SIPA1L1: variants seen among roughly 807,000 people sequenced by gnomAD.
The protein encoded by SIPA1L1 is signal induced proliferation associated 1 like 1, also known as signal-induced proliferation-associated 1-like protein 1.
A neutral mutation model predicts 162.7 loss-of-function variants in SIPA1L1; 26 were observed. That is an observed-to-expected ratio of 0.16 (90% CI 0.12 to 0.22). The LOEUF is 0.22. SIPA1L1 is among the 10% of genes least tolerant of loss of function. The pLI is 1.00. For missense variants in SIPA1L1, 1,874 were observed against 2,241.0 expected, an observed-to-expected ratio of 0.84 and a Z score of 3.31; for synonymous variants, 829 against 837.4, an observed-to-expected ratio of 0.99 and a Z score of 0.17.
intron 5 of SIPA1L1, among the ~76,000 whole-genome samples, chr14:71,613,061 C>T (rs757903375): frequency 1.2e-4 from 18 of 152,058 alleles, no homozygotes; most frequent in Non-Finnish European, 2.2e-4. Context: ...TTAATCTCTC[C>T]CCCTTTCAAC....
chr14:71,571,034 AC>A (rs2031899092), intron 4 of SIPA1L1, among the ~76,000 whole-genome samples: 1 of 152,132 alleles, frequency 6.6e-6, no homozygotes, highest in South Asian at 2.1e-4. Flanking sequence ...ACCTCAGGTG[AC>A]CCAGCTGTCT....
Position 71,699,089 on chromosome 14 carries a change from T to G in SIPA1L1, c.3483T>G (p.Ser1161=), listed in dbSNP as rs776321192. 6.2e-7 allele frequency: 1 copy of G among 1,614,182 alleles called. No individual in the cohort carries two copies. The highest frequency in any genetic ancestry group is 1.7e-5 in the Admixed American group (1 of 60,024). Residue 1161 remains serine (S), a synonymous_variant, in exon 14 of 24, where the codon TCT becomes TCG. Coordinates refer to ENST00000381232, the MANE Select transcript of SIPA1L1 (RefSeq NM_001386936.1). The part of the protein sequence containing the change: ...SNLSSSSDTG[S]VGGTYRQKSM... Reference sequence around the variant, plus strand: ...TGTCTTCATCCAGTGATACTGGTTCTGTGGGGGGCACTTACAGGCAGAAGT... The same window carrying G: ...TGTCTTCATCCAGTGATACTGGTTCGGTGGGGGGCACTTACAGGCAGAAGT...
intron 3 of SIPA1L1, among the ~76,000 whole-genome samples, chr14:71,526,129 T>C (rs1234785989): frequency 6.6e-6 from 1 of 152,236 alleles, no homozygotes; most frequent in Non-Finnish European, 1.5e-5. Flanking sequence ...TATAGCATGC[T>C]ATGAGAAAGC....
At chr14:71,463,764 T>G (rs2046782099) in intron 2 of SIPA1L1, among the ~76,000 whole-genome samples, 1 of 152,128 alleles carries the variant, frequency 6.6e-6, no homozygotes, top group East Asian at 1.9e-4. Context: ...GACCTAGAAG[T>G]TTTCTGCTGA....
chr14:71,646,959 C>T (rs879348579), intron 7 of SIPA1L1, among the ~76,000 whole-genome samples: 8 of 152,178 alleles, frequency 5.3e-5, no homozygotes, highest in Non-Finnish European at 8.8e-5. Flanking sequence ...CATGGCTTTA[C>T]AACTCCATGT....
At chr14:71,452,166 A>AC (rs370067589) in intron 2 of SIPA1L1, among the ~76,000 whole-genome samples, 25 of 149,044 alleles carry the variant, frequency 1.7e-4, no homozygotes, top group East Asian at 4.0e-4. Flanking sequence ...ATTACAGGAA[A>AC]CCCCCCCCTC....
intron 4 of SIPA1L1, among the ~76,000 whole-genome samples, chr14:71,567,714 A>C (rs1596169969): frequency 6.7e-6 from 1 of 149,780 alleles, no homozygotes; most frequent in East Asian, 2.0e-4. Flanking sequence ...TGTAAACTGC[A>C]GTAGTGCTGG....
chr14:71,530,640 A>G (rs892581385), intron 4 of SIPA1L1, among the ~76,000 whole-genome samples: 1 of 152,142 alleles, frequency 6.6e-6, no homozygotes, highest in Non-Finnish European at 1.5e-5. Flanking sequence ...ACCTCTCCTC[A>G]ACACTCTATA....
At chr14:71,527,279 C>CT (rs933294186) in intron 3 of SIPA1L1, among the ~76,000 whole-genome samples, 39 of 152,190 alleles carry the variant, frequency 2.6e-4, no homozygotes. Context: ...TCCCAAATAG[C>CT]TGGGACTATA....
chr14:71,724,638 G>A, intron 18 of SIPA1L1, 32 bp from the exon 19 acceptor site: 1 of 1,593,170 alleles, frequency 6.3e-7, no homozygotes, highest in Non-Finnish European at 8.5e-7. Flanking sequence ...TTGTTGAGTT[G>A]GTATCTATCA....
At chr14:71,580,071 T>C (rs902471952) in intron 4 of SIPA1L1, among the ~76,000 whole-genome samples, 1 of 152,194 alleles carries the variant, frequency 6.6e-6, no homozygotes, top group Non-Finnish European at 1.5e-5. Flanking sequence ...TTTTACAGAG[T>C]TCATTATATG....
intron 4 of SIPA1L1, among the ~76,000 whole-genome samples, chr14:71,585,978 T>C (rs1247960831): frequency 1.3e-5 from 2 of 152,188 alleles, no homozygotes; most frequent in Admixed American, 6.5e-5. Context: ...AGGGTTATCA[T>C]TGAAAGAGGA....
intron 2 of SIPA1L1, among the ~76,000 whole-genome samples, chr14:71,443,415 T>G (rs953130280): frequency 1.3e-5 from 2 of 152,208 alleles, no homozygotes; most frequent in Non-Finnish European, 2.9e-5. Flanking sequence ...GAATTTTATC[T>G]TTTTGTGCTT....
intron 2 of SIPA1L1, among the ~76,000 whole-genome samples, chr14:71,481,628 C>T (rs1303885250): frequency 6.6e-6 from 1 of 152,076 alleles, no homozygotes; most frequent in East Asian, 1.9e-4. Flanking sequence ...TGGTGAAAAA[C>T]AAATATAGTT....
chr14:71,422,423 A>T (rs973354322), intron 2 of SIPA1L1, among the ~76,000 whole-genome samples: 1 of 152,004 alleles, frequency 6.6e-6, no homozygotes, highest in Non-Finnish European at 1.5e-5. Flanking sequence ...CATCTTCATA[A>T]CTCTTTTCAT....
At chr14:71,720,158 A>T (rs1463615617) in intron 17 of SIPA1L1, among the ~76,000 whole-genome samples, 1 of 152,084 alleles carries the variant, frequency 6.6e-6, no homozygotes, top group Admixed American at 6.6e-5. Context: ...GAGTTCTGTG[A>T]CCTTCTTGTA....
chr14:71,509,050 G>T (rs2050901941), intron 2 of SIPA1L1, among the ~76,000 whole-genome samples: 1 of 152,196 alleles, frequency 6.6e-6, no homozygotes, highest in South Asian at 2.1e-4. Flanking sequence ...GGCTGACATG[G>T]TTAGTTATTC....
At chr14:71,536,468 C>T (rs2053916379) in intron 4 of SIPA1L1, among the ~76,000 whole-genome samples, 1 of 152,234 alleles carries the variant, frequency 6.6e-6, no homozygotes, top group Non-Finnish European at 1.5e-5. Context: ...CCTCTGCCCT[C>T]TCTTCCAAGT....
At chr14:71,677,574 C>T (rs2045337968) in intron 12 of SIPA1L1, among the ~76,000 whole-genome samples, 1 of 152,148 alleles carries the variant, frequency 6.6e-6, no homozygotes, top group Non-Finnish European at 1.5e-5. Context: ...ATGGTATTGC[C>T]TAGGTTTTCT....
Sources: allele counts gnomAD v4.1 joint callset (sites outside exome capture counted in the v4.1 genomes callset), GRCh38; gene constraint gnomAD v4.1.1; transcripts MANE v1.5; gene names NCBI Gene and HGNC (gene_info 2026-07-23, HGNC 2026-07-21).